IL1RL1: variants seen among roughly 807,000 people sequenced by gnomAD.
IL1RL1 encodes interleukin 1 receptor like 1, also known as interleukin-1 receptor-like 1.
Under a neutral mutation model 50.9 loss-of-function variants are expected in IL1RL1, and 32 were observed. That is an observed-to-expected ratio of 0.63 (90% CI 0.47 to 0.84). The LOEUF is 0.84. Among genes scored for constraint, IL1RL1 ranks in the 40% least tolerant of loss-of-function variants. The pLI is 0.00. For synonymous variants in IL1RL1, 275 were observed against 236.0 expected, an observed-to-expected ratio of 1.17 and a Z score of -1.51; for missense variants, 773 against 662.9, an observed-to-expected ratio of 1.17 and a Z score of -1.82.
At chr2:102,333,674 G>A (rs980482228) in intron 1 of IL1RL1, among the ~76,000 whole-genome samples, 4 of 151,916 alleles carry the variant, frequency 2.6e-5, no homozygotes, top group Admixed American at 2.6e-4. Flanking sequence ...TTACTGGTGG[G>A]GACTGGTCTT....
chr2:102,336,455 A>T (rs891149513), intron 1 of IL1RL1, among the ~76,000 whole-genome samples: 2 of 151,994 alleles, frequency 1.3e-5, no homozygotes, highest in African/African-American at 4.8e-5. Context: ...ATGGGTCTGG[A>T]ATTAGTTCCT....
intron 8 of IL1RL1, chr2:102,343,969 A>G: frequency 6.8e-6 from 6 of 876,278 alleles, no homozygotes; most frequent in Non-Finnish European, 6.9e-6. Flanking sequence ...TTGCATTGAT[A>G]TAAAGAAATA....
At chr2:102,325,464 C>T (rs1407058529) in intron 1 of IL1RL1, among the ~76,000 whole-genome samples, 3 of 152,196 alleles carry the variant, frequency 2.0e-5, no homozygotes, top group Non-Finnish European at 4.4e-5. Context: ...TCCAGAGGAA[C>T]ACAGCTCCTC....
Position 102,338,377 on chromosome 2 carries a change from C to T in IL1RL1, c.61+52C>T, listed in dbSNP as rs1178620219. Reference sequence around the variant, plus strand: ...TAAATTTTTATAAATTAAATAATTTCAAGAACATTTACCTTGTTTTAAGCA... The same window carrying T: ...TAAATTTTTATAAATTAAATAATTTTAAGAACATTTACCTTGTTTTAAGCA... On this transcript the variant is annotated intron_variant, in intron 2 of 10. Transcript: ENST00000233954. The T allele has an allele frequency of 4.2e-5, 45 of 1,080,630 alleles. 1 individual carries two copies. Among genetic ancestry groups the T allele is most frequent in the Non-Finnish European group, 5.9e-5 (44 of 740,732 alleles). The allele number at this position is 1,080,630 out of a possible 1,614,324, so 66.9% of individuals were successfully genotyped here.
At chr2:102,315,700 T>C (rs1676655641) in intron 1 of IL1RL1, among the ~76,000 whole-genome samples, 1 of 152,208 alleles carries the variant, frequency 6.6e-6, no homozygotes, top group East Asian at 1.9e-4. Flanking sequence ...GCACCCTGAC[T>C]AGTCTGTGCC....
intron 8 of IL1RL1, chr2:102,344,758 C>A: frequency 1.1e-6 from 1 of 941,070 alleles, no homozygotes; most frequent in Non-Finnish European, 1.3e-6. Context: ...GTGTACATTT[C>A]TACTTCTCTA....
At position 102,329,467 on chromosome 2, in the gene IL1RL1, A is replaced by G. The variant is rs185554938; in HGVS notation, c.-149-8649A>G. Reference sequence around the variant, plus strand: ...GTCTAAAACACCAAAAGCAATGGCAACAAAAGACAAAGTTGACAAATGGGA... The same window carrying G: ...GTCTAAAACACCAAAAGCAATGGCAGCAAAAGACAAAGTTGACAAATGGGA... On this transcript the variant is annotated intron_variant, in intron 1 of 10. Coordinates refer to ENST00000233954, the MANE Select transcript of IL1RL1 (RefSeq NM_016232.5). Among the ~76,000 whole-genome samples, 446 of 152,364 alleles carry G rather than the reference A, an allele frequency of 2.9e-3. 2 individuals carry two copies. The highest frequency in any genetic ancestry group is 0.01 in the Middle Eastern group (3 of 294).
At position 102,340,755 on chromosome 2, in the gene IL1RL1, C is replaced by T. The variant is rs368736748; in HGVS notation, c.537C>T (p.Tyr179=). The change falls in exon 5 of 11, where the codon TAC becomes TAT. Residue 179 remains tyrosine (Y), a synonymous_variant. Coordinates refer to ENST00000233954, the MANE Select transcript of IL1RL1 (RefSeq NM_016232.5). ...TGATGACTGAGGACGCAGGTGATTA[C>T]ACCTGTAAATTTATACACAATGAAA... ...DNVMTEDAGD[Y]TCKFIHNENG... is the part of the protein sequence containing the mutation. 32 of 1,597,688 alleles carry T rather than the reference C, an allele frequency of 2.0e-5. No individual in the cohort carries two copies. Among genetic ancestry groups the T allele is most frequent in the Admixed American group, 1.3e-4 (7 of 55,138 alleles).
chr2:102,349,148 G>A lies in IL1RL1; in HGVS notation c.1187G>A (p.Arg396His), dbSNP rs138892317. 8,480 of 1,613,064 alleles carry A rather than the reference G, an allele frequency of 5.3e-3. 41 individuals carry two copies. The highest frequency in any genetic ancestry group is 6.0e-3 in the Non-Finnish European group (7,037 of 1,179,060). ...NYKSSTDGAS[R>H]VEHFVHQILP... ...AAATCCAGTACAGATGGGGCCAGTC[G>A]TGTAGAGCACTTTGTTCACCAGATT... The change falls in exon 10 of 11, where the codon CGT becomes CAT. Residue 396 changes from arginine to histidine, a missense_variant. Arg to His is a conservative substitution (Grantham distance 29). Transcript: ENST00000233954.
chr2:102,319,702 T>C (rs1208475343), intron 1 of IL1RL1, among the ~76,000 whole-genome samples: 1 of 152,202 alleles, frequency 6.6e-6, no homozygotes, highest in Admixed American at 6.5e-5. Flanking sequence ...TTTTCTTTTT[T>C]TTGTGACACA....
intron 1 of IL1RL1, among the ~76,000 whole-genome samples, chr2:102,328,195 T>C (rs1026161660): frequency 2.0e-5 from 3 of 152,168 alleles, no homozygotes; most frequent in Non-Finnish European, 2.9e-5. Flanking sequence ...GCAAGGCTGG[T>C]TCAACATACA....
intron 1 of IL1RL1, among the ~76,000 whole-genome samples, chr2:102,332,775 T>G (rs1159042577): frequency 6.6e-6 from 1 of 152,212 alleles, no homozygotes; most frequent in African/African-American, 2.4e-5. Flanking sequence ...CAAATGTCAC[T>G]AAATTGTGCA....
chr2:102,337,598 G>T (rs1677374824), intron 1 of IL1RL1, among the ~76,000 whole-genome samples: 1 of 152,126 alleles, frequency 6.6e-6, no homozygotes, highest in East Asian at 1.9e-4. Context: ...AAGTTTGAGG[G>T]TTTGGGGTTG....
intron 1 of IL1RL1, among the ~76,000 whole-genome samples, chr2:102,327,754 C>A (rs189189406): frequency 5.9e-5 from 9 of 152,090 alleles, no homozygotes; most frequent in Non-Finnish European, 1.3e-4. Context: ...AGAAAATCTA[C>A]AAGAAATGGA....
At chr2:102,316,174 CA>C (rs111769471) in intron 1 of IL1RL1, among the ~76,000 whole-genome samples, 10 of 152,210 alleles carry the variant, frequency 6.6e-5, no homozygotes, top group African/African-American at 2.4e-4. Context: ...CATGTCTCTG[CA>C]GTTAGTTAAT....
chr2:102,340,018 T>C, intron 3 of IL1RL1, 80 bp from the exon 4 acceptor site: 1 of 743,458 alleles, frequency 1.3e-6, no homozygotes, highest in Non-Finnish European at 2.0e-6. Context: ...AGAAAAGCAA[T>C]ATTAAGTAAA....
chr2:102,312,496 A>G (rs998138575), intron 1 of IL1RL1, among the ~76,000 whole-genome samples: 8 of 152,058 alleles, frequency 5.3e-5, no homozygotes, highest in Admixed American at 1.3e-4. Flanking sequence ...GAGTGCTCAT[A>G]TTCTGGAGTT....
intron 8 of IL1RL1, chr2:102,344,049 A>C (rs1402735925): frequency 2.5e-5 from 9 of 355,906 alleles, no homozygotes; most frequent in Non-Finnish European, 3.5e-5. Context: ...TATGGGAAGC[A>C]TGGCGGCATC....
intron 1 of IL1RL1, chr2:102,337,310 A>G (rs1677361269): frequency 6.6e-6 from 1 of 152,288 alleles, no homozygotes; most frequent in South Asian, 2.1e-4. Context: ...ACTGACTCCA[A>G]GTTCATCCCC....
Sources: gnomAD v4.1 joint callset for allele counts (sites outside exome capture counted in the v4.1 genomes callset) on GRCh38, gnomAD v4.1.1 for gene constraint, MANE v1.5 for transcripts, NCBI Gene and HGNC (gene_info 2026-07-23, HGNC 2026-07-21) for gene names.